EMCN: variants seen among roughly 807,000 people sequenced by gnomAD.
EMCN encodes the protein endomucin.
In EMCN, 37 loss-of-function variants were observed where a neutral mutation model predicts 38.4. That is an observed-to-expected ratio of 0.96 (90% CI 0.74 to 1.27). The LOEUF is 1.27. EMCN is among the 50% of genes most tolerant of loss of function. The pLI is 0.00. For synonymous variants in EMCN, 95 were observed against 100.8 expected, an observed-to-expected ratio of 0.94 and a Z score of 0.35; for missense variants, 318 against 302.8, an observed-to-expected ratio of 1.05 and a Z score of -0.37.
intron 1 of EMCN, among the ~76,000 whole-genome samples, chr4:100,492,355 G>A (rs1729104002): frequency 1.3e-5 from 2 of 152,030 alleles, no homozygotes; most frequent in South Asian, 2.1e-4. Context: ...TGTCCAATCA[G>A]AGGAGCAAAA....
intron 1 of EMCN, among the ~76,000 whole-genome samples, chr4:100,517,558 C>A (rs970866888): frequency 5.3e-5 from 8 of 152,106 alleles, no homozygotes; most frequent in Non-Finnish European, 8.8e-5. Flanking sequence ...AACCAGCATT[C>A]TATTCCCAGA....
intron 1 of EMCN, among the ~76,000 whole-genome samples, chr4:100,485,034 G>T (rs1054995601): frequency 6.6e-6 from 1 of 152,022 alleles, no homozygotes; most frequent in Non-Finnish European, 1.5e-5. Context: ...TGGAAGGAAG[G>T]TTTAAACTCT....
chr4:100,458,029 C>T (rs1280574323), intron 4 of EMCN, among the ~76,000 whole-genome samples: 1 of 151,924 alleles, frequency 6.6e-6, no homozygotes, highest in Admixed American at 6.6e-5. Context: ...ATGCAGAGAA[C>T]TGCTTGGACC....
intron 11 of EMCN, among the ~76,000 whole-genome samples, chr4:100,409,127 A>G (rs1205475537): frequency 1.3e-5 from 2 of 152,242 alleles, no homozygotes; most frequent in African/African-American, 2.4e-5. Context: ...ATTAGGGATT[A>G]GACATAGGCC....
At chr4:100,473,397 TGCTAA>T (rs1728548793) in intron 3 of EMCN, among the ~76,000 whole-genome samples, 2 of 140,488 alleles carry the variant, frequency 1.4e-5, no homozygotes, top group South Asian at 2.4e-4. Flanking sequence ...TTTTTTTTTT[TGCTAA>T]TGACATCACT....
At chr4:100,455,311 T>C (rs1727979200) in intron 4 of EMCN, among the ~76,000 whole-genome samples, 1 of 152,126 alleles carries the variant, frequency 6.6e-6, no homozygotes, top group South Asian at 2.1e-4. Context: ...ATAAATTGTC[T>C]TTTGAAGAGA....
Position 100,487,802 on chromosome 4 carries a change from C to T in EMCN, c.65-7763G>A, listed in dbSNP as rs182166857. Reference sequence around the variant, plus strand: ...CTGAGGCATTTCCAGCAGTGCAGAACGGTGAGTCCATTAAACCTCTTTTCT... The same window carrying T: ...CTGAGGCATTTCCAGCAGTGCAGAATGGTGAGTCCATTAAACCTCTTTTCT... On this transcript the variant is annotated intron_variant, in intron 1 of 11. Transcript: ENST00000296420. Among the ~76,000 whole-genome samples, 355 of 152,318 alleles carry T rather than the reference C, an allele frequency of 2.3e-3. 3 individuals carry two copies. Among genetic ancestry groups the T allele is most frequent in the African/African-American group, 7.5e-3 (311 of 41,574 alleles).
chr4:100,422,678 C>T (rs1726920565), intron 7 of EMCN, among the ~76,000 whole-genome samples: 1 of 151,856 alleles, frequency 6.6e-6, no homozygotes, highest in African/African-American at 2.4e-5. Context: ...GGGACCTCTA[C>T]CTGTGCATTT....
intron 1 of EMCN, among the ~76,000 whole-genome samples, chr4:100,495,561 A>G (rs955755061): frequency 2.6e-5 from 4 of 152,110 alleles, no homozygotes; most frequent in Admixed American, 2.6e-4. Context: ...AATTCATGCC[A>G]GAACAATTAA....
chr4:100,470,227 G>A (rs1217641255), intron 3 of EMCN, among the ~76,000 whole-genome samples: 1 of 151,852 alleles, frequency 6.6e-6, no homozygotes, highest in Non-Finnish European at 1.5e-5. Flanking sequence ...CATGGGCAAA[G>A]GACATGAACA....
At chr4:100,454,524 G>T (rs1320911873) in intron 4 of EMCN, among the ~76,000 whole-genome samples, 1 of 152,134 alleles carries the variant, frequency 6.6e-6, no homozygotes, top group Non-Finnish European at 1.5e-5. Context: ...CAAAAGATAG[G>T]CAGACCTGGA....
intron 1 of EMCN, among the ~76,000 whole-genome samples, chr4:100,512,806 CAAA>C (rs201517827): frequency 4.8e-5 from 4 of 83,434 alleles, no homozygotes; most frequent in East Asian, 3.6e-4. Context: ...AACTCCATCT[CAAA>C]AAAAAAAAAA....
intron 4 of EMCN, among the ~76,000 whole-genome samples, chr4:100,464,619 C>T (rs1410450057): frequency 1.3e-5 from 2 of 151,984 alleles, no homozygotes; most frequent in African/African-American, 2.4e-5. Context: ...TAGATTTTGT[C>T]GAATGCTCCT....
intron 1 of EMCN, among the ~76,000 whole-genome samples, chr4:100,486,690 T>C (rs1055490891): frequency 6.6e-6 from 1 of 152,200 alleles, no homozygotes; most frequent in African/African-American, 2.4e-5. Context: ...GGCTCTGAGA[T>C]TGGACAGGTG....
At position 100,423,050 on chromosome 4, in the gene EMCN, C is replaced by T; in HGVS notation, c.539G>A (p.Ser180Asn). 6.2e-7 allele frequency: 1 copy of T among 1,613,058 alleles called. No homozygotes were observed. Among genetic ancestry groups the T allele is most frequent in the Non-Finnish European group, 8.5e-7 (1 of 1,179,390 alleles). The change falls in exon 7 of 12, where the codon AGC becomes AAC. Residue 180 changes from serine (S) to asparagine (N), a missense_variant. By Grantham distance (46) the Ser-to-Asn change is conservative (BLOSUM62 1). Coordinates refer to ENST00000296420, the MANE Select transcript of EMCN (RefSeq NM_016242.4). ...VIGTEGGKNASTSATSRSYSS... is the reference protein window; with the variant it reads ...VIGTEGGKNANTSATSRSYSS... Reference sequence around the variant, plus strand: ...ATAAGACCGGCTGGTTGCTGAAGTGCTTGCATTTTTTCCACCCTCAGTGCC... The same window carrying T: ...ATAAGACCGGCTGGTTGCTGAAGTGTTTGCATTTTTTCCACCCTCAGTGCC...
chr4:100,516,004 GTTT>G (rs1478297295), intron 1 of EMCN, among the ~76,000 whole-genome samples: 9 of 61,610 alleles, frequency 1.5e-4, no homozygotes, highest in African/African-American at 5.1e-4. Flanking sequence ...GGTTTGGTTT[GTTT>G]GTTTGTTTAC....
At chr4:100,446,367 A>C (rs1451620321) in intron 5 of EMCN, 1 of 177,570 alleles carries the variant, frequency 5.6e-6, no homozygotes, top group East Asian at 1.9e-4. Context: ...TATATGATAT[A>C]GAAGAAGATA....
intron 10 of EMCN, among the ~76,000 whole-genome samples, chr4:100,414,284 G>A (rs1238144014): frequency 6.8e-6 from 1 of 146,460 alleles, no homozygotes; most frequent in East Asian, 2.0e-4. Context: ...GATAAATCGT[G>A]TAGTCACACT....
intron 1 of EMCN, among the ~76,000 whole-genome samples, chr4:100,485,752 C>A (rs1501081): frequency 0.39 from 59,780 of 151,786 alleles, 12,447 homozygotes; most frequent in East Asian, 0.71. Flanking sequence ...ACTAATGGTG[C>A]TCCTTCTCTT....
Sources: gnomAD v4.1 joint callset for allele counts (sites outside exome capture counted in the v4.1 genomes callset) on GRCh38, gnomAD v4.1.1 for gene constraint, MANE v1.5 for transcripts, NCBI Gene and HGNC (gene_info 2026-07-23, HGNC 2026-07-21) for gene names.